Variants in CCDC171 observed in about 807,000 individuals in gnomAD.
CCDC171 encodes the protein coiled-coil domain-containing protein 171.
CCDC171 carries 177 observed loss-of-function variants against 168.2 expected under a neutral mutation model. The observed-to-expected ratio is 1.05, with a 90% CI of 0.93 to 1.19. The LOEUF is 1.19. CCDC171 is among the 50% of genes most tolerant of loss of function. The probability of loss-of-function intolerance (pLI) is 0.00; values close to 1 mark genes in which losing one functional copy is unlikely to be tolerated. For missense variants in CCDC171, 1,991 were observed against 1,539.0 expected (o/e 1.29, Z -4.91); for synonymous variants, 687 against 540.8 (o/e 1.27, Z -3.75).
At chr9:15,657,327 A>G (rs2048014554) in intron 8 of CCDC171, 108 bp downstream of exon 8, 1 of 633,476 alleles carries the variant, frequency 1.6e-6, no homozygotes, top group Admixed American at 2.6e-5. Context: ...GAGAATGGGT[A>G]ACATATTGTT....
chr9:15,651,893 A>G (rs1033213304), intron 7 of CCDC171, among the ~76,000 whole-genome samples: 1 of 152,058 alleles, frequency 6.6e-6, no homozygotes, highest in Non-Finnish European at 1.5e-5. Context: ...CCATTGCCAA[A>G]TCTAAGGTCA....
intron 6 of CCDC171, among the ~76,000 whole-genome samples, chr9:15,600,074 A>AGC (rs1225634474): frequency 2.6e-5 from 4 of 151,740 alleles, no homozygotes; most frequent in African/African-American, 9.7e-5. Flanking sequence ...CTTCTTTGCC[A>AGC]TGGGTTCGAA....
Position 15,941,714 on chromosome 9 carries a change from G to A in CCDC171, c.3753+21292G>A, listed in dbSNP as rs10962226. On this transcript the variant is annotated intron_variant, in intron 25 of 25. Coordinates refer to ENST00000380701, the MANE Select transcript of CCDC171 (RefSeq NM_173550.4). ...AATTTGAAAGAAGTGCTAGACAGTA[G>A]CAGCCTGAAATGCTCTCTTTTAACT... 7.9e-3 allele frequency among the ~76,000 whole-genome samples: 1,204 copies of A among 152,024 alleles called. 65 individuals are homozygous for A. The East Asian group carries it at 0.092, about 12-fold the overall frequency.
intron 3 of CCDC171, among the ~76,000 whole-genome samples, chr9:16,016,617 C>G (rs150605660): frequency 2.5e-4 from 38 of 152,250 alleles, no homozygotes; most frequent in African/African-American, 8.2e-4. Context: ...AGTGTTACTT[C>G]CTTGGCTCAC....
intron 6 of CCDC171, among the ~76,000 whole-genome samples, chr9:15,608,211 GC>G (rs1490940517): frequency 6.6e-6 from 1 of 152,090 alleles, no homozygotes; most frequent in Non-Finnish European, 1.5e-5. Flanking sequence ...TCTCTTAAAG[GC>G]CCCACTTCTC....
chr9:16,083,388 C>T, the CCDC171 span, among the ~76,000 whole-genome samples: 2 of 152,154 alleles, frequency 1.3e-5, no homozygotes, highest in Non-Finnish European at 2.9e-5. Context: ...CTGGGTTCTA[C>T]TCTCTTTCTA....
chr9:15,934,777 G>A (rs558647804), intron 25 of CCDC171, among the ~76,000 whole-genome samples: 6 of 152,154 alleles, frequency 3.9e-5, no homozygotes, highest in Non-Finnish European at 7.4e-5. Flanking sequence ...TGATGAATAG[G>A]TAAATGCCAT....
chr9:16,050,974 G>A (rs372026082), intron 1 of CCDC171, among the ~76,000 whole-genome samples: 1 of 152,048 alleles, frequency 6.6e-6, no homozygotes, highest in Non-Finnish European at 1.5e-5. Flanking sequence ...TGGTTCATCT[G>A]CTCATAACTT....
rs533880178 is a variant in CCDC171 at position 15,692,132 on chromosome 9, T to A, written c.1216-3103T>A. ...GGCTCACGCCTGTAATCTCAACGCTTTGGGAGACCAAGGTGGGTGGATCAC... is the reference window on the plus strand; with the variant it reads ...GGCTCACGCCTGTAATCTCAACGCTATGGGAGACCAAGGTGGGTGGATCAC... On this transcript the variant is annotated intron_variant, in intron 10 of 25. Transcript: ENST00000380701. 2.1e-4 allele frequency among the ~76,000 whole-genome samples: 32 copies of A among 152,330 alleles called. 1 individual carries two copies. In the South Asian group the frequency reaches 6.4e-3, roughly 31 times the overall value.
rs143154730 is a variant in CCDC171 at position 15,913,060 on chromosome 9, G to T, written c.3601-7210G>T. 9.7e-3 allele frequency among the ~76,000 whole-genome samples: 1,471 copies of T among 152,338 alleles called. 26 individuals are homozygous for T. Among genetic ancestry groups the T allele is most frequent in the African/African-American group, 0.034 (1,419 of 41,562 alleles). On this transcript the variant is annotated intron_variant, in intron 24 of 25. Transcript: ENST00000380701. ...GGATGTTGCTGGCCTCATAAAATGA[G>T]TTAGGGAGGAGTTCCTCTTTTTCTC...
At chr9:15,897,350 T>TC (rs2131585469) in intron 24 of CCDC171, among the ~76,000 whole-genome samples, 2 of 152,190 alleles carry the variant, frequency 1.3e-5, no homozygotes, top group Non-Finnish European at 2.9e-5. Flanking sequence ...CTTAATTTTT[T>TC]CCCATTAAAA....
intron 16 of CCDC171, among the ~76,000 whole-genome samples, chr9:15,732,807 G>A (rs1209372173): frequency 6.6e-6 from 1 of 152,038 alleles, no homozygotes; most frequent in African/African-American, 2.4e-5. Flanking sequence ...TAAATACCTA[G>A]GAGTTTGATT....
rs576766372 is a variant in CCDC171 at position 15,621,539 on chromosome 9, T to G, written c.676-1728T>G. ...TATATAGCCTGCTATAGAATAGTAA[T>G]CTTATGAATAAGGGGATTCATAAGA... is the stretch of plus-strand genomic sequence containing the variant. On this transcript the variant is annotated intron_variant, in intron 6 of 25. Transcript: ENST00000380701. Among the ~76,000 whole-genome samples the G allele has an allele frequency of 3.3e-5, 5 of 152,240 alleles. 1 individual carries two copies. The South Asian group carries it at 1.0e-3, about 32-fold the overall frequency.
At chr9:15,568,411 C>T (rs1355617346) in intron 2 of CCDC171, among the ~76,000 whole-genome samples, 1 of 151,116 alleles carries the variant, frequency 6.6e-6, no homozygotes, top group Admixed American at 6.7e-5. Flanking sequence ...GCTGGGACTA[C>T]AGGTGCCCGC....
chr9:15,933,717 T>C (rs922162565), intron 25 of CCDC171, among the ~76,000 whole-genome samples: 12 of 152,008 alleles, frequency 7.9e-5, no homozygotes, highest in African/African-American at 2.4e-4. Context: ...AAATTTAAAA[T>C]GTCCCTCTTA....
At chr9:15,907,895 C>G (rs371123724) in intron 24 of CCDC171, among the ~76,000 whole-genome samples, 5 of 152,292 alleles carry the variant, frequency 3.3e-5, no homozygotes, top group East Asian at 1.9e-4. Flanking sequence ...CCAACAGACA[C>G]ATGAAAAAAT....
chr9:15,734,301 C>G (rs143512481), intron 16 of CCDC171, among the ~76,000 whole-genome samples: 2,403 of 151,984 alleles, frequency 0.016, 77 homozygotes, highest in African/African-American at 0.055. Context: ...TTTGGGAGGC[C>G]GAGGCAAGTG....
intron 21 of CCDC171, among the ~76,000 whole-genome samples, chr9:15,813,489 G>C (rs2059440997): frequency 6.6e-6 from 1 of 152,024 alleles, no homozygotes; most frequent in African/African-American, 2.4e-5. Context: ...ACTAATATAA[G>C]GGTAAAGCTC....
intron 11 of CCDC171, among the ~76,000 whole-genome samples, chr9:15,701,704 A>G (rs186747997): frequency 3.6e-4 from 55 of 152,058 alleles, no homozygotes; most frequent in East Asian, 2.9e-3. Context: ...ATTGAGGTCA[A>G]TTGTCTCAGA....
Sources: allele counts gnomAD v4.1 joint callset (sites outside exome capture counted in the v4.1 genomes callset), GRCh38; gene constraint gnomAD v4.1.1; transcripts MANE v1.5; gene names NCBI Gene and HGNC (gene_info 2026-07-23, HGNC 2026-07-21).